Variants in FRAS1 observed in about 807,000 individuals in gnomAD.
FRAS1 encodes extracellular matrix organizing protein FRAS1.
Under a neutral mutation model 435.2 loss-of-function variants are expected in FRAS1, and 290 were observed. That is an observed-to-expected ratio of 0.67 (90% CI 0.61 to 0.73). The LOEUF (loss-of-function observed/expected upper bound fraction) is 0.73. Among genes scored for constraint, FRAS1 ranks in the 30% least tolerant of loss-of-function variants. The probability of loss-of-function intolerance (pLI) is 0.00; values close to 1 mark genes in which losing one functional copy is unlikely to be tolerated. For missense variants in FRAS1, 4,860 were observed against 5,001.5 expected, an observed-to-expected ratio of 0.97 and a Z score of 0.85; for synonymous variants, 1,800 against 1,851.0, an observed-to-expected ratio of 0.97 and a Z score of 0.71.
chr4:78,413,346 C>T (rs748650795), intron 32 of FRAS1, among the ~76,000 whole-genome samples: 12 of 152,144 alleles, frequency 7.9e-5, no homozygotes, highest in Non-Finnish European at 1.5e-4. Context: ...TCCAGATGTT[C>T]CAGGGGTCCT....
chr4:78,513,846 CAAGAT>C (rs1721123364), intron 65 of FRAS1, among the ~76,000 whole-genome samples: 1 of 152,214 alleles, frequency 6.6e-6, no homozygotes, highest in South Asian at 2.1e-4. Context: ...TGCTACCACT[CAAGAT>C]GAGGATTAAA....
At chr4:78,209,418 G>A (rs1230232078) in intron 2 of FRAS1, among the ~76,000 whole-genome samples, 1 of 152,084 alleles carries the variant, frequency 6.6e-6, no homozygotes, top group Non-Finnish European at 1.5e-5. Context: ...ATGAGGTAGG[G>A]ATATTTATTC....
chr4:78,299,754 A>C (rs931416290), intron 14 of FRAS1, among the ~76,000 whole-genome samples: 1 of 152,222 alleles, frequency 6.6e-6, no homozygotes, highest in Admixed American at 6.5e-5. Flanking sequence ...ACTCTGGCCC[A>C]TCTGAAGTTG....
chr4:78,280,764 AG>A (rs1727295433), intron 10 of FRAS1, among the ~76,000 whole-genome samples: 1 of 152,190 alleles, frequency 6.6e-6, no homozygotes, highest in Non-Finnish European at 1.5e-5. Context: ...CGATAACAAT[AG>A]GACTTACCGC....
Position 78,338,167 on chromosome 4 carries a change from AT to A in FRAS1, c.2422+354del, listed in dbSNP as rs1730251859. 1.6e-5 allele frequency: 3 copies of A among 189,784 alleles called. No individual in the cohort carries two copies. In the South Asian group the frequency reaches 3.4e-4, roughly 21 times the overall value. The allele number at this position is 189,784 out of a possible 1,614,324, so 11.8% of individuals were successfully genotyped here. On this transcript the variant is annotated intron_variant, in intron 20 of 73. Transcript: ENST00000512123. ...CCAAGCCTTCCTTTCTCTTGTCTGC[AT>A]TTTGTCCTGCTTCTTGTTGTGGAGA...
At chr4:78,536,884 G>C (rs909870947) in intron 71 of FRAS1, 111 bp from the exon 72 acceptor site, 2 of 740,940 alleles carry the variant, frequency 2.7e-6, no homozygotes, top group Non-Finnish European at 4.4e-6. Flanking sequence ...GCTCTTCATA[G>C]AAAAGTGCTT....
intron 2 of FRAS1, among the ~76,000 whole-genome samples, chr4:78,115,615 G>A (rs984635324): frequency 2.0e-5 from 3 of 152,112 alleles, no homozygotes; most frequent in African/African-American, 4.8e-5. Flanking sequence ...GTTTGTTTGT[G>A]TAGAGGTGTT....
intron 58 of FRAS1, among the ~76,000 whole-genome samples, chr4:78,484,803 C>T (rs1011349617): frequency 6.6e-6 from 1 of 152,106 alleles, no homozygotes; most frequent in South Asian, 2.1e-4. Flanking sequence ...AATAGGTCAC[C>T]CAATGTCTAG....
At chr4:78,173,005 C>T (rs1578166157) in intron 2 of FRAS1, among the ~76,000 whole-genome samples, 3 of 151,574 alleles carry the variant, frequency 2.0e-5, no homozygotes, top group African/African-American at 7.2e-5. Context: ...GAGAAACACA[C>T]TGTGAAATGT....
chr4:78,309,294 G>C (rs183305162), intron 15 of FRAS1, among the ~76,000 whole-genome samples: 49 of 152,332 alleles, frequency 3.2e-4, no homozygotes, highest in Non-Finnish European at 6.3e-4. Flanking sequence ...TGATAAGTCT[G>C]TGTTGTTTTA....
At chr4:78,403,649 T>G (rs1218619422) in intron 30 of FRAS1, among the ~76,000 whole-genome samples, 1 of 152,198 alleles carries the variant, frequency 6.6e-6, no homozygotes, top group Non-Finnish European at 1.5e-5. Context: ...GTATAGTATG[T>G]GCATGAAGGA....
intron 9 of FRAS1, among the ~76,000 whole-genome samples, chr4:78,270,968 A>G (rs1262926250): frequency 6.6e-6 from 1 of 152,116 alleles, no homozygotes; most frequent in Non-Finnish European, 1.5e-5. Context: ...GTTTCCTCTA[A>G]GCGTTTAGAT....
chr4:78,396,773 G>A (rs979093299), intron 29 of FRAS1, among the ~76,000 whole-genome samples: 1 of 152,068 alleles, frequency 6.6e-6, no homozygotes, highest in African/African-American at 2.4e-5. Flanking sequence ...TGAGTTCGTG[G>A]ATTCATTCTT....
chr4:78,114,762 T>C (rs1459250456), intron 2 of FRAS1, among the ~76,000 whole-genome samples: 1 of 152,282 alleles, frequency 6.6e-6, no homozygotes, highest in Non-Finnish European at 1.5e-5. Context: ...TATACAGTCA[T>C]GTCATCTGCA....
chr4:78,219,751 G>A (rs915412012), intron 2 of FRAS1, among the ~76,000 whole-genome samples: 9 of 152,124 alleles, frequency 5.9e-5, no homozygotes, highest in African/African-American at 2.2e-4. Context: ...TTAACATTTT[G>A]TTGGGCCTAT....
intron 61 of FRAS1, among the ~76,000 whole-genome samples, chr4:78,502,168 T>C (rs1046885006): frequency 1.3e-5 from 2 of 152,224 alleles, no homozygotes; most frequent in East Asian, 3.8e-4. Context: ...TCCAGCTTTG[T>C]TCTTTTTGCT....
At chr4:78,490,603 C>G (rs973119459) in intron 59 of FRAS1, among the ~76,000 whole-genome samples, 1 of 152,066 alleles carries the variant, frequency 6.6e-6, no homozygotes, top group Non-Finnish European at 1.5e-5. Flanking sequence ...TTCTTTGAAA[C>G]CAATGAGAAC....
chr4:78,462,829 A>G (rs181357713), intron 47 of FRAS1, among the ~76,000 whole-genome samples: 1 of 152,344 alleles, frequency 6.6e-6, no homozygotes, highest in Admixed American at 6.5e-5. Flanking sequence ...AGGCTCTTGT[A>G]TCTGGGTGAC....
intron 20 of FRAS1, among the ~76,000 whole-genome samples, chr4:78,354,110 A>G (rs113507661): frequency 3.3e-5 from 5 of 151,724 alleles, no homozygotes; most frequent in African/African-American, 1.2e-4. Context: ...TGGCACCAAA[A>G]CCTAGAGCTT....
Sources: allele counts gnomAD v4.1 joint callset (sites outside exome capture counted in the v4.1 genomes callset), GRCh38; gene constraint gnomAD v4.1.1; transcripts MANE v1.5; gene names NCBI Gene and HGNC (gene_info 2026-07-23, HGNC 2026-07-21).